The following P3H3 variants were observed in gnomAD, a reference collection of about 807,000 sequenced individuals.
The protein encoded by P3H3 is prolyl 3-hydroxylase 3.
P3H3 carries 64 observed loss-of-function variants against 78.1 expected under a neutral mutation model. That is an observed-to-expected ratio of 0.82 (90% CI 0.67 to 1.01). The LOEUF is 1.01. P3H3 is among the 50% of genes least tolerant of loss of function. The pLI is 0.00. For missense variants in P3H3, 975 were observed against 982.2 expected, an observed-to-expected ratio of 0.99 and a Z score of 0.10; for synonymous variants, 425 against 416.7, an observed-to-expected ratio of 1.02 and a Z score of -0.24.
Position 6,828,419 on chromosome 12 carries a change from G to C in P3H3, c.-22G>C, listed in dbSNP as rs781854295. The C allele has an allele frequency of 5.9e-6, 2 of 336,266 alleles. No individual in the cohort carries two copies. Among genetic ancestry groups the C allele is most frequent in the Non-Finnish European group, 1.0e-5 (2 of 192,850 alleles). The allele number at this position is 336,266 out of a possible 1,614,324, so 20.8% of individuals were successfully genotyped here. A position where few individuals can be genotyped will look rare whatever the true frequency, so the allele number is the denominator to read the frequency against. Reference sequence around the variant, plus strand: ...CCTCTCGGCTCCCGCATTTCCCCTCGGCTGCCGGCGGCTCCGACATCATGC... The same window carrying C: ...CCTCTCGGCTCCCGCATTTCCCCTCCGCTGCCGGCGGCTCCGACATCATGC... On this transcript the variant is annotated 5_prime_UTR_variant, in exon 1 of 15. Transcript: ENST00000290510.
rs782279994 is a variant in P3H3, at chr12:6,837,936, T to TC, written c.1830-21dup. The TC allele has an allele frequency of 4.4e-5, 71 of 1,598,006 alleles. No homozygotes were observed. In the South Asian group the frequency reaches 7.8e-4, roughly 18 times the overall value. On this transcript the variant is annotated intron_variant, in intron 12 of 14. Transcript: ENST00000290510. ...GGGCCTGGGTTGGGGTCTCACTGCC[T>TC]CTTGCTTTTTTCCCTCCCCAGCGGA... is the stretch of plus-strand genomic sequence containing the variant.
At chr12:6,830,601 C>A in intron 3 of P3H3, 38 bp from the exon 4 acceptor site, 3 of 1,594,536 alleles carry the variant, frequency 1.9e-6, no homozygotes, top group South Asian at 1.1e-5. Context: ...CAGGGAGGGG[C>A]ATGAACAAGC....
rs562569607 is a variant in P3H3, at chr12:6,836,558, A to AC, written c.1459-425dup. The stretch of plus-strand genomic sequence containing the variant: ...GATAGCCCGCTGATGCTGTCTCCCT[A>AC]CCGCCAGTCTGGCCTAACTGTGGAA... On this transcript the variant is annotated intron_variant, in intron 9 of 14. Transcript: ENST00000290510. 2.8e-3 allele frequency among the ~76,000 whole-genome samples: 426 copies of AC among 152,206 alleles called. 3 individuals carry two copies. The highest frequency in any genetic ancestry group is 4.7e-3 in the Non-Finnish European group (317 of 67,994).
In P3H3 at chr12:6,837,554, G is replaced by A. The variant is rs17790558; in HGVS notation, c.1692G>A (p.Val564=). The change falls in exon 11 of 15, where the codon GTG becomes GTA. Residue 564 remains valine, a synonymous_variant. Transcript: ENST00000290510. ...RPLHLSFTHL[V]CRSAIEGEQE... ...TGCATCTGTCCTTCACCCACCTGGTGTGCCGCAGCGCCATAGAAGGTACGA... is the reference window on the plus strand; with the variant it reads ...TGCATCTGTCCTTCACCCACCTGGTATGCCGCAGCGCCATAGAAGGTACGA... 25,415 of 1,612,558 alleles carry A rather than the reference G, an allele frequency of 0.016. 303 individuals are homozygous for A. Among genetic ancestry groups the A allele is most frequent in the East Asian group, 0.048 (2,158 of 44,774 alleles).
chr12:6,832,184 A>G (rs1943456693), intron 6 of P3H3, among the ~76,000 whole-genome samples: 1 of 152,212 alleles, frequency 6.6e-6, no homozygotes, highest in South Asian at 2.1e-4. Flanking sequence ...GAATAATCAC[A>G]TCTGTTTCAC....
chr12:6,832,705 G>A (rs1228376573), intron 6 of P3H3, among the ~76,000 whole-genome samples: 2 of 151,834 alleles, frequency 1.3e-5, no homozygotes, highest in South Asian at 2.1e-4. Flanking sequence ...AGGTTCAAGC[G>A]ATTCTTCTGC....
intron 10 of P3H3, 74 bp from the exon 11 acceptor site, chr12:6,837,349 T>TGGGCAG: frequency 6.5e-7 from 1 of 1,532,352 alleles, no homozygotes; most frequent in Non-Finnish European, 8.8e-7. Flanking sequence ...GCGGCAGAGT[T>TGGGCAG]GGGCAGGGGC....
Position 6,830,565 on chromosome 12 carries a change from C to G in P3H3, c.853+11C>G, listed in dbSNP as rs1227002390. ...ATGAGGCCATTGCAGGTAAGGGTCC[C>G]GTGTGTGAGGGGGTGGGTCGGTGCC... On this transcript the variant is annotated intron_variant, in intron 3 of 14. Coordinates refer to ENST00000290510, the MANE Select transcript of P3H3 (RefSeq NM_014262.5). The G allele has an allele frequency of 3.2e-6, 5 of 1,575,612 alleles. No homozygotes were observed. The highest frequency in any genetic ancestry group is 1.2e-5 in the South Asian group (1 of 85,226).
At chr12:6,830,154 A>G (rs1943433121) in intron 2 of P3H3, 143 bp downstream of exon 2, 8 of 1,165,774 alleles carry the variant, frequency 6.9e-6, no homozygotes, top group Non-Finnish European at 9.7e-6. Context: ...GTCCTTCTCT[A>G]GGACTTCGTT....
intron 4 of P3H3, 53 bp downstream of exon 4, chr12:6,830,823 C>G (rs781942295): frequency 6.2e-7 from 1 of 1,609,488 alleles, no homozygotes; most frequent in East Asian, 2.2e-5. Flanking sequence ...CTGCTGCTAT[C>G]CTGAGCTCCA....
In P3H3 at chr12:6,829,056, G is replaced by A; in HGVS notation, c.498+118G>A. 1.6e-6 allele frequency: 1 copy of A among 626,432 alleles called. No homozygotes were observed. The highest frequency in any genetic ancestry group is 2.3e-6 in the Non-Finnish European group (1 of 435,164). The allele number at this position is 626,432 out of a possible 1,614,324, so 38.8% of individuals were successfully genotyped here. ...CCCGGGCCCCGCACGGGGCTGGGGAGCGTACCGCGGGCCTCTGCGTAGGAG... is the reference window on the plus strand; with the variant it reads ...CCCGGGCCCCGCACGGGGCTGGGGAACGTACCGCGGGCCTCTGCGTAGGAG... On this transcript the variant is annotated intron_variant, in intron 1 of 14. Coordinates refer to ENST00000290510, the MANE Select transcript of P3H3 (RefSeq NM_014262.5). This position sits in a 1 kb window ranked among gnomAD's most constrained non-coding sequence, Gnocchi z 5.1.
At chr12:6,833,832 G>T in intron 8 of P3H3, 23 bp downstream of exon 8, 1 of 1,612,268 alleles carries the variant, frequency 6.2e-7, no homozygotes, top group Non-Finnish European at 8.5e-7. Flanking sequence ...GAGGGAGAAG[G>T]CAGGAGCCTG....
Position 6,830,766 on chromosome 12 carries a change from T to G in P3H3, c.981T>G (p.Ala327=). Residue 327 remains alanine (A), a synonymous_variant, in exon 4 of 15, where the codon GCT becomes GCG. Coordinates refer to ENST00000290510, the MANE Select transcript of P3H3 (RefSeq NM_014262.5). The part of the protein sequence containing the change: ...NQLRRLHEAH[A]QVGNLSQAIE... ...TGAGGCGGCTACATGAGGCCCATGC[T>G]CAGGGTCAGTTGGGGAAGGGTGGAA... The G allele has an allele frequency of 6.2e-7, 1 of 1,613,972 alleles. No homozygotes were observed. Among genetic ancestry groups the G allele is most frequent in the Non-Finnish European group, 8.5e-7 (1 of 1,179,872 alleles).
In P3H3 at chr12:6,839,572, C is replaced by G; in HGVS notation, c.*111C>G. ...GACATCAGGAGCAGAACAGCAAGCT[C>G]TCTGTCCCTGCACCCCCACCATCTT... On this transcript the variant is annotated 3_prime_UTR_variant, in exon 15 of 15. Transcript: ENST00000290510. 1 of 1,285,020 alleles carries G rather than the reference C, an allele frequency of 7.8e-7. No individual in the cohort carries two copies. Among genetic ancestry groups the G allele is most frequent in the Non-Finnish European group, 1.1e-6 (1 of 947,756 alleles). 79.6% of individuals were successfully genotyped at this position (1,285,020 alleles called of 1,614,324 possible).
At position 6,831,544 on chromosome 12, in the gene P3H3, C is replaced by T. The variant is rs2137960280; in HGVS notation, c.1122+192C>T. ...CGGCAGCCTGGAGTTCCGATTCCAGCCCTCAGCCCCGTCTCTCTTGCCTTT... is the reference window on the plus strand; with the variant it reads ...CGGCAGCCTGGAGTTCCGATTCCAGTCCTCAGCCCCGTCTCTCTTGCCTTT... On this transcript the variant is annotated intron_variant, in intron 5 of 14. Coordinates refer to ENST00000290510, the MANE Select transcript of P3H3 (RefSeq NM_014262.5). The surrounding 1 kb of genome is among the most constrained non-coding windows in gnomAD (Gnocchi z 4.6). Among the ~76,000 whole-genome samples, 1 of 152,196 alleles carries T rather than the reference C, an allele frequency of 6.6e-6. No individual in the cohort carries two copies. The highest frequency in any genetic ancestry group is 2.1e-4 in the South Asian group (1 of 4,822).
At chr12:6,832,926 G>A (rs566752055) in intron 6 of P3H3, among the ~76,000 whole-genome samples, 75 of 146,522 alleles carry the variant, frequency 5.1e-4, no homozygotes, top group Non-Finnish European at 9.4e-4. Context: ...AAAACCTAAC[G>A]CTGCTTTGGG....
chr12:6,830,577 G>A (rs1322591668), intron 3 of P3H3, 23 bp downstream of exon 3: 2 of 1,580,284 alleles, frequency 1.3e-6, no homozygotes, highest in South Asian at 1.2e-5. Context: ...TGTGTGAGGG[G>A]GTGGGTCGGT....
At chr12:6,833,419 G>A in intron 6 of P3H3, 173 bp from the exon 7 acceptor site, 2 of 634,022 alleles carry the variant, frequency 3.2e-6, no homozygotes, top group East Asian at 5.5e-5. Flanking sequence ...AGTTGTACTT[G>A]TTGTTACAGT....
Position 6,829,040 on chromosome 12 carries a change from C to G in P3H3, c.498+102C>G, listed in dbSNP as rs1272859826. On this transcript the variant is annotated intron_variant, in intron 1 of 14. Transcript: ENST00000290510. The surrounding 1 kb of genome is among the most constrained non-coding windows in gnomAD (Gnocchi z 5.1). ...AGGCGGAATGCTGTTGCCCGGGCCCCGCACGGGGCTGGGGAGCGTACCGCG... is the reference window on the plus strand; with the variant it reads ...AGGCGGAATGCTGTTGCCCGGGCCCGGCACGGGGCTGGGGAGCGTACCGCG... The G allele has an allele frequency of 9.7e-6, 7 of 723,154 alleles. No homozygotes were observed. The highest frequency in any genetic ancestry group is 9.5e-6 in the Non-Finnish European group (5 of 523,636). The allele number at this position is 723,154 out of a possible 1,614,324, so 44.8% of individuals were successfully genotyped here.
Sources: allele counts gnomAD v4.1 joint callset (sites outside exome capture counted in the v4.1 genomes callset), GRCh38; gene constraint gnomAD v4.1.1; non-coding constraint Gnocchi (gnomAD v3.1); transcripts MANE v1.5; gene names NCBI Gene and HGNC (gene_info 2026-07-23, HGNC 2026-07-21).